Variants in RBM12B observed in about 807,000 individuals in gnomAD.
RBM12B encodes the protein RNA-binding protein 12B.
In RBM12B, 10 loss-of-function variants were observed where a neutral mutation model predicts 34.3. That is an observed-to-expected ratio of 0.29 (90% confidence interval 0.18 to 0.49). The LOEUF (loss-of-function observed/expected upper bound fraction) is 0.49, where lower values mean the gene tolerates loss of function less well. RBM12B is among the 20% of genes least tolerant of loss of function. The pLI is 0.99. For synonymous variants in RBM12B, 477 were observed against 437.1 expected (o/e 1.09, Z -1.14); for missense variants, 1,139 against 1,262.7 (o/e 0.90, Z 1.48).
chr8:93,739,935 G>C (rs1331659100), intron 2 of RBM12B, among the ~76,000 whole-genome samples: 1 of 152,158 alleles, frequency 6.6e-6, no homozygotes, highest in African/African-American at 2.4e-5. Context: ...GGAAACGGGA[G>C]GGAGACAGAA....
At position 93,733,164 on chromosome 8, in the gene RBM12B, T is replaced by C. The variant is rs1487369944; in HGVS notation, c.*241A>G. 2 of 282,398 alleles carry C rather than the reference T, an allele frequency of 7.1e-6. No individual in the cohort carries two copies. Among genetic ancestry groups the C allele is most frequent in the East Asian group, 1.2e-4 (2 of 16,046 alleles). The allele number at this position is 282,398 out of a possible 1,614,324, so 17.5% of individuals were successfully genotyped here. On this transcript the variant is annotated 3_prime_UTR_variant, in exon 4 of 4. Transcript: ENST00000520560. ...ATGAATGAACTCAGGGAATGAGTTC[T>C]TTCTCCCCATCAAAGAAAAAAACAG...
Position 93,728,309 on chromosome 8 carries a change from CCATTTT to C in RBM12B, c.*5090_*5095del, listed in dbSNP as rs752797191. On this transcript the variant is annotated 3_prime_UTR_variant, in exon 4 of 4. Transcript: ENST00000520560. ...ATTTTCTTAAGTAAACTACACATTT[CCATTTT>C]CATCATAAATGACTTGAAATCCACA... 6.7e-6 allele frequency: 10 copies of C among 1,494,594 alleles called. No individual in the cohort carries two copies. Among genetic ancestry groups the C allele is most frequent in the Non-Finnish European group, 9.1e-6 (10 of 1,093,428 alleles). 92.6% of individuals were successfully genotyped at this position (1,494,594 alleles called of 1,614,324 possible).
At chr8:93,740,397 T>C (rs765820590) in intron 2 of RBM12B, 2 of 457,448 alleles carry the variant, frequency 4.4e-6, no homozygotes, top group South Asian at 1.5e-5. Context: ...GGATCCGATG[T>C]TGTCGCCAGA....
At position 93,728,376 on chromosome 8, in the gene RBM12B, ATGTTAAGCCTC is replaced by A; in HGVS notation, c.*5018_*5028del. On this transcript the variant is annotated 3_prime_UTR_variant, in exon 4 of 4. Transcript: ENST00000520560. ...TGTAGAACTTTATACTCACTTTGCT[ATGTTAAGCCTC>A]AAAGTGAAGTCCAACTGGAAACAGA... 1.1e-6 allele frequency: 1 copy of A among 919,986 alleles called. No homozygotes were observed. The allele number at this position is 919,986 out of a possible 1,614,324, so 57.0% of individuals were successfully genotyped here.
At chr8:93,738,474 G>A (rs1812091530) in intron 2 of RBM12B, among the ~76,000 whole-genome samples, 2 of 152,112 alleles carry the variant, frequency 1.3e-5, no homozygotes, top group African/African-American at 4.8e-5. Context: ...TCTTTGGTGG[G>A]GGAGACAGGG....
intron 2 of RBM12B, among the ~76,000 whole-genome samples, chr8:93,739,475 T>G (rs955648139): frequency 6.6e-6 from 1 of 152,202 alleles, no homozygotes; most frequent in Non-Finnish European, 1.5e-5. Flanking sequence ...CTTGAGACAG[T>G]AGGGTAATGT....
chr8:93,729,729 T>G lies in RBM12B; in HGVS notation c.*3676A>C, dbSNP rs998973566. 6.6e-6 allele frequency: 1 copy of G among 152,166 alleles called. No individual in the cohort carries two copies. Among genetic ancestry groups the G allele is most frequent in the Non-Finnish European group, 1.5e-5 (1 of 68,020 alleles). The allele number at this position is 152,166 out of a possible 1,614,324, so 9.4% of individuals were successfully genotyped here. A position where few individuals can be genotyped will look rare whatever the true frequency, so the allele number is the denominator to read the frequency against. ...GTTATTCTTCGTGGGTTTAGGCAAA[T>G]TCAAGACTATTATACAGGTAACTAT... is the stretch of plus-strand genomic sequence containing the variant. On this transcript the variant is annotated 3_prime_UTR_variant, in exon 4 of 4. Coordinates refer to ENST00000520560, the MANE Select transcript of RBM12B (RefSeq NM_001377960.1).
At position 93,730,846 on chromosome 8, in the gene RBM12B, C is replaced by G. The variant is rs1315238251; in HGVS notation, c.*2559G>C. The G allele has an allele frequency of 6.6e-6, 1 of 152,078 alleles. No individual in the cohort carries two copies. The highest frequency in any genetic ancestry group is 1.9e-4 in the East Asian group (1 of 5,194). The allele number at this position is 152,078 out of a possible 1,614,324, so 9.4% of individuals were successfully genotyped here. On this transcript the variant is annotated 3_prime_UTR_variant, in exon 4 of 4. Coordinates refer to ENST00000520560, the MANE Select transcript of RBM12B (RefSeq NM_001377960.1). The stretch of plus-strand genomic sequence containing the variant: ...ACATTATAGGGTAAAAGGAAATATT[C>G]ATATAAATTAATTTAAAAATCAAAA...
At position 93,735,459 on chromosome 8, in the gene RBM12B, A is replaced by G; in HGVS notation, c.952T>C (p.Tyr318His). The change falls in exon 4 of 4, where the codon TAT becomes CAT. Residue 318 changes from tyrosine to histidine, a missense_variant. Physicochemically the swap from Tyr to His is moderately conservative, Grantham distance 83. Coordinates refer to ENST00000520560, the MANE Select transcript of RBM12B (RefSeq NM_001377960.1). ...DLTDEQIRFL[Y>H]KDENRTRYAF... ...TATCTTGTTCTATTTTCATCTTTAT[A>G]TAAAAACCTAATCTGTTCATCAGTC... 6.2e-7 allele frequency: 1 copy of G among 1,613,472 alleles called. No individual in the cohort carries two copies. The highest frequency in any genetic ancestry group is 1.1e-5 in the South Asian group (1 of 91,056).
chr8:93,740,562 C>G (rs1052884146), intron 2 of RBM12B, 67 bp downstream of exon 2: 25 of 455,262 alleles, frequency 5.5e-5, no homozygotes, highest in Non-Finnish European at 1.0e-4. Flanking sequence ...TCAAGCCTAA[C>G]GAGCTGGGCC....
Position 93,734,357 on chromosome 8 carries a change from C to T in RBM12B, c.2054G>A (p.Arg685Gln), listed in dbSNP as rs200294553. 604 of 1,612,386 alleles carry T rather than the reference C, an allele frequency of 3.7e-4. 1 individual carries two copies. Among genetic ancestry groups the T allele is most frequent in the Non-Finnish European group, 2.3e-4 (274 of 1,179,534 alleles). The change falls in exon 4 of 4, where the codon CGG becomes CAG. Residue 685 changes from arginine to glutamine, a missense_variant. By Grantham distance (43) the Arg-to-Gln change is conservative (BLOSUM62 1). This residue lies in a region of RBM12B where 863 missense variants were observed against 869.5 expected (regional missense o/e 0.99). Coordinates refer to ENST00000520560, the MANE Select transcript of RBM12B (RefSeq NM_001377960.1). Reference protein sequence around the residue: ...WRRPPEEDFRRPLQGEWRRPP... With the variant: ...WRRPPEEDFRQPLQGEWRRPP... ...TCGCCTCCATTCTCCCTGAAGAGGC[C>T]GCCTAAAGTCCTCCTCTGGGGGCCG...
At position 93,729,269 on chromosome 8, in the gene RBM12B, C is replaced by T. The variant is rs1281458271; in HGVS notation, c.*4136G>A. 1 of 152,050 alleles carries T rather than the reference C, an allele frequency of 6.6e-6. No homozygotes were observed. Among genetic ancestry groups the T allele is most frequent in the East Asian group, 1.9e-4 (1 of 5,204 alleles). The allele number at this position is 152,050 out of a possible 1,614,324, so 9.4% of individuals were successfully genotyped here. On this transcript the variant is annotated 3_prime_UTR_variant, in exon 4 of 4. Coordinates refer to ENST00000520560, the MANE Select transcript of RBM12B (RefSeq NM_001377960.1). Reference sequence around the variant, plus strand: ...AAGCTTCTGACTTTGTCAATCATGGCTCTGTTCTTAACAAAGCACTCCTTC... The same window carrying T: ...AAGCTTCTGACTTTGTCAATCATGGTTCTGTTCTTAACAAAGCACTCCTTC...
chr8:93,734,539 C>T lies in RBM12B; in HGVS notation c.1872G>A (p.Glu624=), dbSNP rs763717960. 21 of 1,613,236 alleles carry T rather than the reference C, an allele frequency of 1.3e-5. No individual in the cohort carries two copies. Among genetic ancestry groups the T allele is most frequent in the Non-Finnish European group, 1.6e-5 (19 of 1,179,612 alleles). The change falls in exon 4 of 4, where the codon GAG becomes GAA. Residue 624 remains glutamate (E), a synonymous_variant. Transcript: ENST00000520560. Reference sequence around the variant, plus strand: ...CCTCCAGTGGCCGCCTCCAGTCCTCCTCAAGGGGCCTCCTCCAGTCCTCCT... The same window carrying T: ...CCTCCAGTGGCCGCCTCCAGTCCTCTTCAAGGGGCCTCCTCCAGTCCTCCT... ...PREEDWRRPL[E]EDWRRPLEED... is the part of the protein sequence containing the mutation.
rs1172109783 is a variant in RBM12B, at chr8:93,733,837, G to A, written c.2574C>T (p.Asp858=). The change falls in exon 4 of 4, where the codon GAC becomes GAT. Residue 858 remains aspartate (D), a synonymous_variant. Coordinates refer to ENST00000520560, the MANE Select transcript of RBM12B (RefSeq NM_001377960.1). ...GTCTAAAATTGTCAGGAAGTCTAGG[G>A]TCCTCCTCCGGAGCTTCCCTAAGGT... ...EEDLREAPEE[D]PRLPDNFRPP... 1.2e-6 allele frequency: 2 copies of A among 1,614,110 alleles called. No homozygotes were observed. Among genetic ancestry groups the A allele is most frequent in the East Asian group, 2.2e-5 (1 of 44,880 alleles).
chr8:93,740,245 G>A, intron 2 of RBM12B: 1 of 452,756 alleles, frequency 2.2e-6, no homozygotes, highest in Non-Finnish European at 4.5e-6. Context: ...AAATGAAGAC[G>A]AATCCACATG....
intron 2 of RBM12B, among the ~76,000 whole-genome samples, chr8:93,739,586 A>G (rs931205024): frequency 6.6e-6 from 1 of 152,222 alleles, no homozygotes; most frequent in Non-Finnish European, 1.5e-5. Context: ...TATTTCCTTA[A>G]GCAAATTCTC....
chr8:93,735,558 A>C lies in RBM12B; in HGVS notation c.853T>G (p.Tyr285Asp), dbSNP rs927513624. The stretch of plus-strand genomic sequence containing the variant: ...AGGGACAGATTTTTTAAGTGAACAT[A>C]AAATCCAAGAGGGGAACGAGAACGT... ...RTRSRSPLGF[Y>D]VHLKNLSLSI... The change falls in exon 4 of 4, where the codon TAT becomes GAT. Residue 285 changes from tyrosine to aspartate, a missense_variant. This residue lies in a region of RBM12B where 863 missense variants were observed against 869.5 expected (regional missense o/e 0.99). Transcript: ENST00000520560. 12 of 1,614,072 alleles carry C rather than the reference A, an allele frequency of 7.4e-6. No individual in the cohort carries two copies. Among genetic ancestry groups the C allele is most frequent in the Non-Finnish European group, 1.0e-5 (12 of 1,180,032 alleles).
Position 93,729,516 on chromosome 8 carries a change from T to C in RBM12B, c.*3889A>G, listed in dbSNP as rs1002118153. The stretch of plus-strand genomic sequence containing the variant: ...CAACTTCTCTTGAGCATTATTTGCC[T>C]TGTTTGTAAAGTTAAAACTGCGTAA... On this transcript the variant is annotated 3_prime_UTR_variant, in exon 4 of 4. Coordinates refer to ENST00000520560, the MANE Select transcript of RBM12B (RefSeq NM_001377960.1). The C allele has an allele frequency of 1.2e-4, 18 of 152,240 alleles. No homozygotes were observed. Among genetic ancestry groups the C allele is most frequent in the Admixed American group, 4.6e-4 (7 of 15,286 alleles). The allele number at this position is 152,240 out of a possible 1,614,324, so 9.4% of individuals were successfully genotyped here.
chr8:93,728,735 CTT>C lies in RBM12B; in HGVS notation c.*4668_*4669del, dbSNP rs916486700. On this transcript the variant is annotated 3_prime_UTR_variant, in exon 4 of 4. Transcript: ENST00000520560. ...TTCCATGAAGCCTTAAGAAAAAAAACTTTTTTTAACTTTCCCTGAAACTTTAT... is the reference window on the plus strand; with the variant it reads ...TTCCATGAAGCCTTAAGAAAAAAAACTTTTTAACTTTCCCTGAAACTTTAT... 1 of 151,866 alleles carries C rather than the reference CTT, an allele frequency of 6.6e-6. No homozygotes were observed. Among genetic ancestry groups the C allele is most frequent in the Non-Finnish European group, 1.5e-5 (1 of 67,940 alleles). 9.4% of individuals were successfully genotyped at this position (151,866 alleles called of 1,614,324 possible). A position where few individuals can be genotyped will look rare whatever the true frequency, so the allele number is the denominator to read the frequency against.
Sources: allele counts gnomAD v4.1 joint callset (sites outside exome capture counted in the v4.1 genomes callset), GRCh38; gene constraint gnomAD v4.1.1; regional missense constraint gnomAD v4.1.1; transcripts MANE v1.5; gene names NCBI Gene and HGNC (gene_info 2026-07-23, HGNC 2026-07-21).